Variants in CHD8 observed in about 807,000 individuals in gnomAD.
CHD8 encodes ATP-dependent chromatin remodeler CHD8.
A neutral mutation model predicts 279.2 loss-of-function variants in CHD8; 31 were observed. That is an observed-to-expected ratio of 0.11 (90% CI 0.08 to 0.15). The LOEUF is 0.15. Among genes scored for constraint, CHD8 ranks in the 10% least tolerant of loss-of-function variants. CHD8 has a pLI of 1.00. For synonymous variants in CHD8, 1,081 were observed against 1,139.6 expected (o/e 0.95, Z 1.04); for missense variants, 2,146 against 3,230.5 (o/e 0.66, Z 8.14).
Position 21,395,861 on chromosome 14 carries a change from C to T in CHD8, c.5083G>A (p.Glu1695Lys), listed in dbSNP as rs1555313719. Residue 1695 changes from glutamate to lysine, a missense_variant, in exon 28 of 38, where the codon GAA becomes AAA. Glu to Lys is a moderately conservative substitution (Grantham distance 56, BLOSUM62 1). Transcript: ENST00000646647. ...GGGGGACCTTGGAGTGGTTTATATT[C>T]AGGATCTTCACAATCTTTATCAAAG... ...VDFDKDCEDP[E>K]YKPLQGPPKD... 6.2e-7 allele frequency: 1 copy of T among 1,611,532 alleles called. No homozygotes were observed. Among genetic ancestry groups the T allele is most frequent in the South Asian group, 1.1e-5 (1 of 90,954 alleles).
rs1210120951 is a variant in CHD8 at position 21,403,186 on chromosome 14, C to T, written c.3545G>A (p.Arg1182Gln). Residue 1182 changes from arginine to glutamine, a missense_variant, in exon 18 of 38, where the codon CGA becomes CAA. This residue lies in a region of CHD8 where 48 missense variants were observed against 135.7 expected (regional missense o/e 0.35). Transcript: ENST00000646647. This position sits in a 1 kb window ranked among gnomAD's most constrained non-coding sequence, Gnocchi z 4.3. ...RRYLYERIDGRVRGNLRQAAI... is the reference protein window; with the variant it reads ...RRYLYERIDGQVRGNLRQAAI... The stretch of plus-strand genomic sequence containing the variant: ...AGCCTGTCGAAGGTTGCCTCTAACT[C>T]GCCCATCAATACGTTCATATAAGTA... 1 of 1,613,830 alleles carries T rather than the reference C, an allele frequency of 6.2e-7. No individual in the cohort carries two copies. Among genetic ancestry groups the T allele is most frequent in the Non-Finnish European group, 8.5e-7 (1 of 1,179,840 alleles).
rs1442013651 is a variant in CHD8, at chr14:21,385,855, G to C, written c.7504C>G (p.His2502Asp). ...CCTGGATGGTGATGGTGGTGATGGT[G>C]GGGGTGGGGGTGGTGGTGGTGGTGA... ...LHHHHHHPHP[H>D]HHHHHHPGLR... The change falls in exon 38 of 38, where the codon CAC becomes GAC. Residue 2502 changes from histidine to aspartate, a missense_variant. His to Asp is a moderately conservative substitution (Grantham distance 81). This residue lies in a region of CHD8 where 336 missense variants were observed against 392.9 expected (regional missense o/e 0.86). Transcript: ENST00000646647. The C allele has an allele frequency of 1.1e-5, 17 of 1,545,364 alleles. No individual in the cohort carries two copies. The highest frequency in any genetic ancestry group is 1.1e-5 in the Non-Finnish European group (13 of 1,142,692).
chr14:21,400,147 T>G lies in CHD8; in HGVS notation c.4727+4A>C. ...TGGAAAATGTCTGCTAATTCTATGC[T>G]TACTTGTTACACTGATGTTTCAAGT... On this transcript the variant is annotated splice_donor_region_variant and intron_variant, in intron 24 of 37. Transcript: ENST00000646647. The surrounding 1 kb of genome is among the most constrained non-coding windows in gnomAD (Gnocchi z 4.2). 6.2e-7 allele frequency: 1 copy of G among 1,613,874 alleles called. No individual in the cohort carries two copies. Among genetic ancestry groups the G allele is most frequent in the Non-Finnish European group, 8.5e-7 (1 of 1,179,782 alleles).
chr14:21,400,471 G>A lies in CHD8; in HGVS notation c.4512C>T (p.Ile1504=). 1 of 1,608,570 alleles carries A rather than the reference G, an allele frequency of 6.2e-7. No individual in the cohort carries two copies. The highest frequency in any genetic ancestry group is 8.5e-7 in the Non-Finnish European group (1 of 1,178,636). The change falls in exon 23 of 38, where the codon ATC becomes ATT. Residue 1504 remains isoleucine, a synonymous_variant. Coordinates refer to ENST00000646647, the MANE Select transcript of CHD8 (RefSeq NM_001170629.2). This position sits in a 1 kb window ranked among gnomAD's most constrained non-coding sequence, Gnocchi z 4.2. ...YRGDENIKGF[I]WDLISPAENG... Reference sequence around the variant, plus strand: ...TTTCAGCTGGGCTAATCAAGTCCCAGATGAAGCCTTTAATATTTTCATCCC... The same window carrying A: ...TTTCAGCTGGGCTAATCAAGTCCCAAATGAAGCCTTTAATATTTTCATCCC...
At position 21,428,027 on chromosome 14, in the gene CHD8, A is replaced by C; in HGVS notation, c.1443T>G (p.Pro481=). ...GCAACTCGTCCTCATTTAAGACTCG[A>C]GGTATGTTCTGCTCACCGCGGGCAC... The part of the protein sequence containing the change: ...RARARGEQNI[P]RVLNEDELPS... Residue 481 remains proline (P), a synonymous_variant, in exon 4 of 38, where the codon CCT becomes CCG. Coordinates refer to ENST00000646647, the MANE Select transcript of CHD8 (RefSeq NM_001170629.2). 1 of 1,613,952 alleles carries C rather than the reference A, an allele frequency of 6.2e-7. No homozygotes were observed. Among genetic ancestry groups the C allele is most frequent in the Non-Finnish European group, 8.5e-7 (1 of 1,179,892 alleles).
intron 27 of CHD8, chr14:21,397,344 C>T (rs1325762459): frequency 1.9e-6 from 1 of 518,776 alleles, no homozygotes; most frequent in Non-Finnish European, 3.8e-6. Flanking sequence ...GCACCCAAAC[C>T]AGGGCAACAC....
In CHD8 at chr14:21,447,702, T is replaced by C. The variant is rs61631217; in HGVS notation, c.-216+8330A>G. On this transcript the variant is annotated intron_variant, in intron 1 of 37. Transcript: ENST00000646647. The stretch of plus-strand genomic sequence containing the variant: ...ACACTATATCCTTATGACTCAAAAA[T>C]AGAGCATGGATTCTTTTTTTTTTTC... Among the ~76,000 whole-genome samples the C allele has an allele frequency of 5.8e-3, 888 of 152,100 alleles. 10 individuals are homozygous for C. The highest frequency in any genetic ancestry group is 0.02 in the African/African-American group (850 of 41,504).
intron 1 of CHD8, among the ~76,000 whole-genome samples, chr14:21,451,910 C>T (rs1890265991): frequency 6.6e-6 from 1 of 152,064 alleles, no homozygotes; most frequent in Non-Finnish European, 1.5e-5. Flanking sequence ...TAAGTAACTA[C>T]AAAGAGGTGG....
Position 21,400,977 on chromosome 14 carries a change from T to C in CHD8, c.4268A>G (p.Glu1423Gly). The change falls in exon 22 of 38, where the codon GAA (glutamate) becomes GGA (glycine). Residue 1423 changes from glutamate to glycine, a missense_variant. Transcript: ENST00000646647. The surrounding 1 kb of genome is among the most constrained non-coding windows in gnomAD (Gnocchi z 4.2). Reference sequence around the variant, plus strand: ...GCGTGGCCGCTCATCATCCTCACTTTCCAAATCAGAGAATTCCACCAGGTC... The same window carrying C: ...GCGTGGCCGCTCATCATCCTCACTTCCCAAATCAGAGAATTCCACCAGGTC... Reference protein sequence around the residue: ...DDDLVEFSDLESEDDERPRSR... With the variant: ...DDDLVEFSDLGSEDDERPRSR... 1 of 1,614,052 alleles carries C rather than the reference T, an allele frequency of 6.2e-7. No homozygotes were observed. Among genetic ancestry groups the C allele is most frequent in the Non-Finnish European group, 8.5e-7 (1 of 1,179,888 alleles).
rs1889108831 is a variant in CHD8 at position 21,422,810 on chromosome 14, T to C, written c.1716+3318A>G. On this transcript the variant is annotated intron_variant, in intron 5 of 37. Coordinates refer to ENST00000646647, the MANE Select transcript of CHD8 (RefSeq NM_001170629.2). ...TGGGCATGGTGGCGCACACCTATAATCCCAGCTACTCAGGAGGCTGAGGTA... is the reference window on the plus strand; with the variant it reads ...TGGGCATGGTGGCGCACACCTATAACCCCAGCTACTCAGGAGGCTGAGGTA... 2.0e-5 allele frequency among the ~76,000 whole-genome samples: 3 copies of C among 151,780 alleles called. No individual in the cohort carries two copies. The South Asian group carries it at 6.2e-4, about 32-fold the overall frequency.
chr14:21,392,826 AG>A lies in CHD8; in HGVS notation c.6469-18del, dbSNP rs775741325. On this transcript the variant is annotated intron_variant, in intron 33 of 37. Transcript: ENST00000646647. Reference sequence around the variant, plus strand: ...GACACGATCCTGAATGGGGAAAGAAAGAAATACCATTTTAAGAGTCTGAGTA... The same window carrying A: ...GACACGATCCTGAATGGGGAAAGAAAAAATACCATTTTAAGAGTCTGAGTA... The A allele has an allele frequency of 1.9e-6, 3 of 1,611,758 alleles. No individual in the cohort carries two copies. The highest frequency in any genetic ancestry group is 1.7e-6 in the Non-Finnish European group (2 of 1,178,298).
intron 1 of CHD8, among the ~76,000 whole-genome samples, chr14:21,434,039 CTTTTTTTTTTT>C (rs57822562): frequency 2.6e-5 from 3 of 115,880 alleles, no homozygotes; most frequent in Non-Finnish European, 3.7e-5. Context: ...GTGAAAGTTT[CTTTTTTTTTTT>C]TTTTTTTTTT....
chr14:21,413,177 T>G (rs1888575101), intron 9 of CHD8, among the ~76,000 whole-genome samples, 181 bp from the exon 10 acceptor site: 1 of 152,226 alleles, frequency 6.6e-6, no homozygotes, highest in African/African-American at 2.4e-5. Context: ...GGTCTATACC[T>G]GACTTCTCAC....
chr14:21,424,420 A>T (rs1566440545), intron 5 of CHD8, among the ~76,000 whole-genome samples: 1 of 151,288 alleles, frequency 6.6e-6, no homozygotes, highest in Non-Finnish European at 1.5e-5. Flanking sequence ...ATATTCTAAA[A>T]TTTTTTTTTG....
At chr14:21,401,635 G>A (rs931244591) in intron 20 of CHD8, 122 bp from the exon 21 acceptor site, 2 of 647,004 alleles carry the variant, frequency 3.1e-6, no homozygotes, top group Middle Eastern at 4.0e-4. Context: ...CCCAGGCTGG[G>A]GTACAGTGGC....
intron 1 of CHD8, among the ~76,000 whole-genome samples, chr14:21,452,215 A>AT (rs1241972521): frequency 6.6e-6 from 1 of 152,004 alleles, no homozygotes; most frequent in Non-Finnish European, 1.5e-5. Context: ...TAATTTTTGT[A>AT]TTTTTTTAAG....
Position 21,401,518 on chromosome 14 carries a change from A to G in CHD8, c.4063-5T>C. 2.0e-6 allele frequency: 3 copies of G among 1,535,222 alleles called. No individual in the cohort carries two copies. Among genetic ancestry groups the G allele is most frequent in the Non-Finnish European group, 2.6e-6 (3 of 1,139,624 alleles). ...TTCAGAAGCAACAAAGCTTGCCTAGAGAAAAACAAATGCAGAGGTAAAGCT... is the reference window on the plus strand; with the variant it reads ...TTCAGAAGCAACAAAGCTTGCCTAGGGAAAAACAAATGCAGAGGTAAAGCT... On this transcript the variant is annotated splice_region_variant and splice_polypyrimidine_tract_variant and intron_variant, in intron 20 of 37. Coordinates refer to ENST00000646647, the MANE Select transcript of CHD8 (RefSeq NM_001170629.2).
chr14:21,405,387 G>A lies in CHD8; in HGVS notation c.3129C>T (p.Pro1043=). ...CTACTTCAATAATTGTTTCCTGTTT[G>A]GGTGCCAAGTTTTTTTCAACATCCT... ...LKEDVEKNLA[P]KQETIIEVEL... The change falls in exon 16 of 38, where the codon CCC becomes CCT. Residue 1043 remains proline, a synonymous_variant. Coordinates refer to ENST00000646647, the MANE Select transcript of CHD8 (RefSeq NM_001170629.2). This position sits in a 1 kb window ranked among gnomAD's most constrained non-coding sequence, Gnocchi z 4.2. The A allele has an allele frequency of 1.3e-6, 2 of 1,599,864 alleles. No individual in the cohort carries two copies. The highest frequency in any genetic ancestry group is 1.7e-6 in the Non-Finnish European group (2 of 1,172,350).
At position 21,393,458 on chromosome 14, in the gene CHD8, C is replaced by T; in HGVS notation, c.6319+18G>A. On this transcript the variant is annotated intron_variant, in intron 32 of 37. Coordinates refer to ENST00000646647, the MANE Select transcript of CHD8 (RefSeq NM_001170629.2). ...GGGAAATAGGGAAGGGGGCCAACAG[C>T]CTGTCACATGCACTCACTTAGCTTC... The T allele has an allele frequency of 1.3e-6, 2 of 1,539,356 alleles. No individual in the cohort carries two copies. Among genetic ancestry groups the T allele is most frequent in the Non-Finnish European group, 1.8e-6 (2 of 1,140,736 alleles).
Sources: gnomAD v4.1 joint callset for allele counts (sites outside exome capture counted in the v4.1 genomes callset) on GRCh38, gnomAD v4.1.1 for gene constraint, gnomAD v4.1.1 regional missense constraint, Gnocchi (gnomAD v3.1) non-coding constraint, MANE v1.5 for transcripts, NCBI Gene and HGNC (gene_info 2026-07-23, HGNC 2026-07-21) for gene names.